Variants in PIGR observed in about 807,000 individuals in gnomAD.
PIGR encodes hepatocellular carcinoma associated protein TB6.
PIGR carries 22 observed loss-of-function variants against 69.5 expected under a neutral mutation model. The observed-to-expected ratio is 0.32, with a 90% CI of 0.23 to 0.45. PIGR has a LOEUF of 0.45. PIGR is among the 20% of genes least tolerant of loss of function. The pLI is 1.00. For synonymous variants in PIGR, 413 were observed against 407.6 expected (o/e 1.01, Z -0.16); for missense variants, 885 against 974.0 (o/e 0.91, Z 1.22).
chr1:206,930,411 T>C lies in PIGR; in HGVS notation c.2202A>G (p.Ser734=). The change falls in exon 11 of 11, where the codon TCA becomes TCG. Residue 734 remains serine (S), a splice_region_variant and synonymous_variant. Coordinates refer to ENST00000356495, the MANE Select transcript of PIGR (RefSeq NM_002644.4). This position sits in a 1 kb window ranked among gnomAD's most constrained non-coding sequence, Gnocchi z 4.3. The part of the protein sequence containing the change: ...ETKEPKKAKR[S]SKEEAEMAYK... Reference sequence around the variant, plus strand: ...AGGCCATCTCGGCTTCCTCCTTGGATGACTAAGGGGCAAGAGGAGAGGCAT... The same window carrying C: ...AGGCCATCTCGGCTTCCTCCTTGGACGACTAAGGGGCAAGAGGAGAGGCAT... 1 of 1,612,776 alleles carries C rather than the reference T, an allele frequency of 6.2e-7. No individual in the cohort carries two copies. Among genetic ancestry groups the C allele is most frequent in the Non-Finnish European group, 8.5e-7 (1 of 1,179,420 alleles).
Position 206,935,887 on chromosome 1 carries a change from C to A in PIGR, c.1046-69G>T. The A allele has an allele frequency of 1.6e-6, 2 of 1,230,402 alleles. No homozygotes were observed. Among genetic ancestry groups the A allele is most frequent in the South Asian group, 1.4e-5 (1 of 69,096 alleles). 76.2% of individuals were successfully genotyped at this position (1,230,402 alleles called of 1,614,324 possible). A position where few individuals can be genotyped will look rare whatever the true frequency, so the allele number is the denominator to read the frequency against. ...GAAGAGCCTTGCGTGGCCTGAGAAG[C>A]CTTCTTCCCGGGGTCTCAGCCAGGA... On this transcript the variant is annotated intron_variant, in intron 4 of 10. Transcript: ENST00000356495. The surrounding 1 kb of genome is among the most constrained non-coding windows in gnomAD (Gnocchi z 4.4).
At chr1:206,941,348 C>T (rs1346174875) in intron 1 of PIGR, among the ~76,000 whole-genome samples, 1 of 152,212 alleles carries the variant, frequency 6.6e-6, no homozygotes, top group African/African-American at 2.4e-5. Flanking sequence ...TTAACCTCTC[C>T]ACTACTGTAT....
intron 1 of PIGR, among the ~76,000 whole-genome samples, chr1:206,945,024 A>AT (rs1680077035): frequency 6.6e-6 from 1 of 152,128 alleles, no homozygotes; most frequent in Non-Finnish European, 1.5e-5. Flanking sequence ...GTGTGACCCC[A>AT]TTTTTTATCA....
At position 206,934,440 on chromosome 1, in the gene PIGR, A is replaced by G; in HGVS notation, c.1685T>C (p.Val562Ala). The G allele has an allele frequency of 6.2e-7, 1 of 1,613,546 alleles. No individual in the cohort carries two copies. ...YGETAAVYVA[V>A]EERKAAGSRD... ...CTCACCCGCTGCCTTCCTCTCTTCA[A>G]CTGCCACATAGACGGCTGCAGTCTC... is the stretch of plus-strand genomic sequence containing the variant. Residue 562 changes from valine (V) to alanine (A), a missense_variant, in exon 6 of 11, where the codon GTT becomes GCT. Coordinates refer to ENST00000356495, the MANE Select transcript of PIGR (RefSeq NM_002644.4).
chr1:206,930,782 C>A lies in PIGR; in HGVS notation c.2200-369G>T. 2.0e-6 allele frequency: 2 copies of A among 985,326 alleles called. No individual in the cohort carries two copies. Among genetic ancestry groups the A allele is most frequent in the Non-Finnish European group, 2.4e-6 (2 of 829,908 alleles). The allele number at this position is 985,326 out of a possible 1,614,324, so 61.0% of individuals were successfully genotyped here. ...TTTCTCCACCAGCCCAGACAGGTAG[C>A]TTTTTGGCACCACAAAGTTAAAGGG... On this transcript the variant is annotated intron_variant, in intron 10 of 10. Transcript: ENST00000356495. This position sits in a 1 kb window ranked among gnomAD's most constrained non-coding sequence, Gnocchi z 4.3.
intron 1 of PIGR, among the ~76,000 whole-genome samples, chr1:206,943,841 G>T (rs757681858): frequency 6.6e-6 from 1 of 152,176 alleles, no homozygotes; most frequent in African/African-American, 2.4e-5. Flanking sequence ...CTAGAAGAAC[G>T]TACGCTGAGT....
At position 206,928,749 on chromosome 1, in the gene PIGR, T is replaced by C. The variant is rs1322779718; in HGVS notation, c.*1569A>G. On this transcript the variant is annotated 3_prime_UTR_variant, in exon 11 of 11. Coordinates refer to ENST00000356495, the MANE Select transcript of PIGR (RefSeq NM_002644.4). ...TGAGGGTTTGGCCATTCTTTTATCTTGGGTCCATGTGAGTGACAGAAATGG... is the reference window on the plus strand; with the variant it reads ...TGAGGGTTTGGCCATTCTTTTATCTCGGGTCCATGTGAGTGACAGAAATGG... 2 of 152,610 alleles carry C rather than the reference T, an allele frequency of 1.3e-5. No individual in the cohort carries two copies. Among genetic ancestry groups the C allele is most frequent in the Non-Finnish European group, 2.9e-5 (2 of 68,048 alleles). The allele number at this position is 152,610 out of a possible 1,614,324, so 9.5% of individuals were successfully genotyped here. A position where few individuals can be genotyped will look rare whatever the true frequency, so the allele number is the denominator to read the frequency against.
At position 206,937,133 on chromosome 1, in the gene PIGR, C is replaced by A; in HGVS notation, c.1007G>T (p.Gly336Val). 1 of 1,610,594 alleles carries A rather than the reference C, an allele frequency of 6.2e-7. No homozygotes were observed. The highest frequency in any genetic ancestry group is 2.2e-5 in the East Asian group (1 of 44,870). Residue 336 changes from glycine (G) to valine (V), a missense_variant, in exon 4 of 11, where the codon GGC (glycine) becomes GTC (valine). Coordinates refer to ENST00000356495, the MANE Select transcript of PIGR (RefSeq NM_002644.4). Reference protein sequence around the residue: ...GAHSDGQLQEGSPIQAWQLFV... With the variant: ...GAHSDGQLQEVSPIQAWQLFV... ...GAGTTGCCAGGCCTGGATAGGCGAG[C>A]CTTCCTGCAGCTGACCATCCGAATG...
intron 3 of PIGR, 103 bp downstream of exon 3, chr1:206,939,016 C>A: frequency 1.9e-6 from 2 of 1,044,418 alleles, no homozygotes; most frequent in East Asian, 2.4e-5. Context: ...ACCCCCAACC[C>A]GGCTACACAT....
At position 206,937,496 on chromosome 1, in the gene PIGR, G is replaced by A. The variant is rs1320596746; in HGVS notation, c.644C>T (p.Ala215Val). The A allele has an allele frequency of 5.0e-6, 8 of 1,614,096 alleles. No homozygotes were observed. Among genetic ancestry groups the A allele is most frequent in the Non-Finnish European group, 6.8e-6 (8 of 1,180,050 alleles). Residue 215 changes from alanine to valine, a missense_variant, in exon 4 of 11, where the codon GCT (alanine) becomes GTT (valine). Physicochemically the swap from Ala to Val is moderately conservative, Grantham distance 64. Transcript: ENST00000356495. ...CCCAGCCTGGCAGAGATACTGCCCA[G>A]CATCGCTGAGCCTGAGTTGGTTGAT... ...VVINQLRLSD[A>V]GQYLCQAGDD... is the part of the protein sequence containing the mutation.
chr1:206,931,951 G>A (rs1679762834), intron 8 of PIGR, 149 bp from the exon 9 acceptor site: 2 of 807,976 alleles, frequency 2.5e-6, no homozygotes, highest in Admixed American at 2.1e-5. Context: ...GGATGGAAAT[G>A]ATCCGAGTCT....
At chr1:206,936,959 C>G in intron 4 of PIGR, 136 bp downstream of exon 4, 1 of 837,034 alleles carries the variant, frequency 1.2e-6, no homozygotes, top group Non-Finnish European at 1.8e-6. Context: ...CACGCAGCCT[C>G]CAGTTCGGGG....
Position 206,934,688 on chromosome 1 carries a change from C to T in PIGR, c.1437G>A (p.Lys479=). 6.2e-7 allele frequency: 1 copy of T among 1,613,090 alleles called. No individual in the cohort carries two copies. The highest frequency in any genetic ancestry group is 8.5e-7 in the Non-Finnish European group (1 of 1,180,006). Residue 479 remains lysine (K), a synonymous_variant, in exon 6 of 11, where the codon AAG becomes AAA. Transcript: ENST00000356495. ...NVTAVLGETL[K]VPCHFPCKFS... is the part of the protein sequence containing the mutation. ...ATTTGCATGGAAAGTGACAGGGGAC[C>T]TTGAGAGTCTCTCCCAGCACAGCCG... is the stretch of plus-strand genomic sequence containing the variant.
At position 206,939,425 on chromosome 1, in the gene PIGR, C is replaced by A; in HGVS notation, c.82G>T (p.Val28Leu). 1 of 1,611,392 alleles carries A rather than the reference C, an allele frequency of 6.2e-7. No individual in the cohort carries two copies. The highest frequency in any genetic ancestry group is 1.3e-5 in the African/African-American group (1 of 75,000). ...ACTGAGTTACCTTCCACACTATTCACCTCCTCGGGACCAAATATGGGACTC... is the reference window on the plus strand; with the variant it reads ...ACTGAGTTACCTTCCACACTATTCAACTCCTCGGGACCAAATATGGGACTC... ...TKSPIFGPEE[V>L]NSVEGNSVSI... The change falls in exon 3 of 11, where the codon GTG (valine) becomes TTG (leucine). Residue 28 changes from valine (V) to leucine (L), a missense_variant. By Grantham distance (32) the Val-to-Leu change is conservative (BLOSUM62 1). Coordinates refer to ENST00000356495, the MANE Select transcript of PIGR (RefSeq NM_002644.4).
At chr1:206,936,377 G>A (rs1218098010) in intron 4 of PIGR, among the ~76,000 whole-genome samples, 2 of 152,152 alleles carry the variant, frequency 1.3e-5, no homozygotes, top group Non-Finnish European at 2.9e-5. Flanking sequence ...AAGATGCAGG[G>A]GATTCTGGTG....
Position 206,937,657 on chromosome 1 carries a change from C to A in PIGR, c.483G>T (p.Lys161Asn). 6.2e-7 allele frequency: 1 copy of A among 1,613,882 alleles called. No homozygotes were observed. The highest frequency in any genetic ancestry group is 2.2e-5 in the East Asian group (1 of 44,874). The change falls in exon 4 of 11, where the codon AAG becomes AAT. Residue 161 changes from lysine (K) to asparagine (N), a missense_variant. Physicochemically the swap from Lys to Asn is moderately conservative, Grantham distance 94 (BLOSUM62 0). Coordinates refer to ENST00000356495, the MANE Select transcript of PIGR (RefSeq NM_002644.4). ...NCPFKTENAQ[K>N]RKSLYKQIGL... ...CTATCTGCTTGTACAAGGACTTCCT[C>A]TTTTGAGCATTCTCAGTCTTGAAAG...
In PIGR at chr1:206,937,345, G is replaced by A. The variant is rs201340365; in HGVS notation, c.795C>T (p.Asn265=). 1.6e-5 allele frequency: 26 copies of A among 1,613,054 alleles called. No individual in the cohort carries two copies. The highest frequency in any genetic ancestry group is 5.3e-5 in the African/African-American group (4 of 74,882). ...TCTGTCGGCACAGAAATTTGGCCAC[G>A]TTTGCCACCTCAGGGCCCAGGGCAC... ...FHCALGPEVA[N]VAKFLCRQSS... is the part of the protein sequence containing the mutation. The change falls in exon 4 of 11, where the codon AAC becomes AAT. Residue 265 remains asparagine, a synonymous_variant. Transcript: ENST00000356495.
Position 206,930,343 on chromosome 1 carries a change from G to A in PIGR, c.2270C>T (p.Ala757Val). ...LLQSSTVAAE[A>V]QDGPQEA ...CTAGGCTTCCTGGGGGCCGTCCTGGGCCTCGGCGGCCACGGTGCTGGACTG... is the reference window on the plus strand; with the variant it reads ...CTAGGCTTCCTGGGGGCCGTCCTGGACCTCGGCGGCCACGGTGCTGGACTG... The change falls in exon 11 of 11, where the codon GCC becomes GTC. Residue 757 changes from alanine (A) to valine (V), a missense_variant. By Grantham distance (64) the Ala-to-Val change is moderately conservative (BLOSUM62 0). Transcript: ENST00000356495. The surrounding 1 kb of genome is among the most constrained non-coding windows in gnomAD (Gnocchi z 4.3). 1 of 1,611,854 alleles carries A rather than the reference G, an allele frequency of 6.2e-7. No homozygotes were observed. The highest frequency in any genetic ancestry group is 8.5e-7 in the Non-Finnish European group (1 of 1,178,872).
chr1:206,933,444 G>C (rs977858413), intron 6 of PIGR, among the ~76,000 whole-genome samples: 1 of 152,164 alleles, frequency 6.6e-6, no homozygotes, highest in African/African-American at 2.4e-5. Context: ...CATCACTTAT[G>C]CCCGGGAGAT....
Sources: allele counts gnomAD v4.1 joint callset (sites outside exome capture counted in the v4.1 genomes callset), GRCh38; gene constraint gnomAD v4.1.1; non-coding constraint Gnocchi (gnomAD v3.1); transcripts MANE v1.5; gene names NCBI Gene and HGNC (gene_info 2026-07-23, HGNC 2026-07-21).